Variants in ADAMTSL3 observed in about 807,000 individuals in gnomAD.
ADAMTSL3 encodes the protein ADAMTS-like protein 3.
ADAMTSL3 carries 128 observed loss-of-function variants against 201.7 expected under a neutral mutation model. The ratio of observed to expected loss-of-function variants is 0.63; its 90% CI spans 0.55 to 0.73. ADAMTSL3 has a LOEUF of 0.73. ADAMTSL3 is among the 30% of genes least tolerant of loss of function. The pLI is 0.00. For missense variants in ADAMTSL3, 1,990 were observed against 2,119.6 expected (o/e 0.94, Z 1.20); for synonymous variants, 738 against 748.4 (o/e 0.99, Z 0.23).
chr15:83,828,806 C>T (rs1274336158), intron 6 of ADAMTSL3, among the ~76,000 whole-genome samples: 1 of 152,090 alleles, frequency 6.6e-6, no homozygotes, highest in Non-Finnish European at 1.5e-5. Context: ...GTCTTTGTTT[C>T]TGTTTATATG....
Position 84,025,438 on chromosome 15 carries a change from T to C in ADAMTSL3, c.4656+2T>C. 6.2e-7 allele frequency: 1 copy of C among 1,613,244 alleles called. No individual in the cohort carries two copies. Among genetic ancestry groups the C allele is most frequent in the Non-Finnish European group, 8.5e-7 (1 of 1,179,628 alleles). On this transcript the variant is annotated splice_donor_variant, in intron 27 of 29. Transcript: ENST00000286744. LOFTEE classifies it high-confidence loss of function. ...GTTCAGTGGGAACCAGGGAACCGGGTAAAGCTAACACATCTAGTTTGTGGA... is the reference window on the plus strand; with the variant it reads ...GTTCAGTGGGAACCAGGGAACCGGGCAAAGCTAACACATCTAGTTTGTGGA...
chr15:83,696,611 G>A (rs571801334), intron 2 of ADAMTSL3, among the ~76,000 whole-genome samples: 14 of 152,228 alleles, frequency 9.2e-5, no homozygotes, highest in South Asian at 2.1e-4. Flanking sequence ...GATTTGAAGC[G>A]TCTGAGAGTG....
intron 3 of ADAMTSL3, among the ~76,000 whole-genome samples, chr15:83,755,463 G>A (rs2062705364): frequency 1.3e-5 from 2 of 150,756 alleles, no homozygotes; most frequent in South Asian, 4.2e-4. Context: ...TCTACTTTCT[G>A]TCTCTGTGAA....
At chr15:83,897,736 G>A (rs2065645727) in intron 13 of ADAMTSL3, 122 bp from the exon 14 acceptor site, 2 of 1,129,442 alleles carry the variant, frequency 1.8e-6, no homozygotes, top group South Asian at 4.5e-5. Context: ...CATAATATTT[G>A]TCTAAAAGTC....
chr15:83,893,468 C>A (rs1224030831), intron 13 of ADAMTSL3, among the ~76,000 whole-genome samples: 1 of 152,020 alleles, frequency 6.6e-6, no homozygotes, highest in Admixed American at 6.6e-5. Flanking sequence ...AAGAGATGGC[C>A]CATGTTACTA....
intron 4 of ADAMTSL3, among the ~76,000 whole-genome samples, chr15:83,795,250 A>G (rs1404506128): frequency 1.0e-5 from 1 of 98,820 alleles, no homozygotes; most frequent in Non-Finnish European, 1.9e-5. Flanking sequence ...CAACAACAAC[A>G]ACAACAGCAG....
In ADAMTSL3 at chr15:84,014,660, C is replaced by G. The variant is rs2068058750; in HGVS notation, c.4092C>G (p.Thr1364=). ...ATGTTTCCCTTGAAAATGAAGGAAC[C>G]TACGTCTGCATAGCCACCAATGCTC... The part of the protein sequence containing the change: ...LQNVSLENEG[T]YVCIATNALG... The change falls in exon 24 of 30, where the codon ACC becomes ACG. Residue 1364 remains threonine (T), a synonymous_variant. Transcript: ENST00000286744. The G allele has an allele frequency of 6.2e-7, 1 of 1,611,684 alleles. No individual in the cohort carries two copies. Among genetic ancestry groups the G allele is most frequent in the Non-Finnish European group, 8.5e-7 (1 of 1,179,392 alleles).
chr15:83,888,141 C>T lies in ADAMTSL3; in HGVS notation c.1073-1968C>T, dbSNP rs1288840995. On this transcript the variant is annotated intron_variant, in intron 10 of 29. Coordinates refer to ENST00000286744, the MANE Select transcript of ADAMTSL3 (RefSeq NM_207517.3). ...GTGCATGAGCACTTAGCAGTGAGATCGTCTCCAAAGACAGCAGTGGATGTA... is the reference window on the plus strand; with the variant it reads ...GTGCATGAGCACTTAGCAGTGAGATTGTCTCCAAAGACAGCAGTGGATGTA... Among the ~76,000 whole-genome samples the T allele has an allele frequency of 4.6e-5, 7 of 152,274 alleles. No homozygotes were observed. In the East Asian group the frequency reaches 7.7e-4, roughly 17 times the overall value.
chr15:83,844,506 C>A (rs904615987), intron 7 of ADAMTSL3, among the ~76,000 whole-genome samples: 10 of 152,208 alleles, frequency 6.6e-5, no homozygotes, highest in African/African-American at 2.4e-4. Context: ...TCATCTCTTT[C>A]TACCTCCACA....
rs567772267 is a variant in ADAMTSL3 at position 83,956,121 on chromosome 15, A to G, written c.2490+13039A>G. 1.2e-4 allele frequency among the ~76,000 whole-genome samples: 18 copies of G among 152,244 alleles called. No individual in the cohort carries two copies. In the South Asian group the frequency reaches 3.8e-3, roughly 32 times the overall value. ...TGGAATAGGCACTTCCCCTCTGGCT[A>G]GGGCTGGTCCAAATGCTGTCTCTGT... On this transcript the variant is annotated intron_variant, in intron 19 of 29. Transcript: ENST00000286744.
At chr15:83,973,292 G>C (rs527426636) in intron 20 of ADAMTSL3, among the ~76,000 whole-genome samples, 1 of 152,178 alleles carries the variant, frequency 6.6e-6, no homozygotes, top group South Asian at 2.1e-4. Flanking sequence ...CATGACCTCT[G>C]GTTCTTCCAT....
At chr15:83,899,172 C>T (rs1483716732) in intron 14 of ADAMTSL3, among the ~76,000 whole-genome samples, 1 of 152,188 alleles carries the variant, frequency 6.6e-6, no homozygotes, top group Admixed American at 6.5e-5. Context: ...CCCTCAACAA[C>T]TACAACAACA....
At chr15:83,972,164 C>T (rs1280353664) in intron 20 of ADAMTSL3, among the ~76,000 whole-genome samples, 1 of 152,100 alleles carries the variant, frequency 6.6e-6, no homozygotes, top group East Asian at 1.9e-4. Flanking sequence ...ATGAGACTTG[C>T]CTAAGGCTCC....
intron 3 of ADAMTSL3, among the ~76,000 whole-genome samples, chr15:83,731,775 G>A (rs2062277485): frequency 6.6e-6 from 1 of 151,944 alleles, no homozygotes; most frequent in African/African-American, 2.4e-5. Flanking sequence ...AGGAAATCTT[G>A]CCTTTTGCAA....
chr15:84,019,076 T>TACACACAC (rs71453219), intron 25 of ADAMTSL3, among the ~76,000 whole-genome samples: 30,236 of 138,990 alleles, frequency 0.22, 3,506 homozygotes, highest in African/African-American at 0.27. Context: ...CACACACACA[T>TACACACAC]ACACACACAC....
chr15:83,959,475 C>T (rs1048900233), intron 19 of ADAMTSL3, among the ~76,000 whole-genome samples: 3 of 152,094 alleles, frequency 2.0e-5, no homozygotes, highest in African/African-American at 7.2e-5. Context: ...AGAATCAAGT[C>T]ATTTATTAGG....
intron 8 of ADAMTSL3, among the ~76,000 whole-genome samples, chr15:83,868,405 C>G (rs567990542): frequency 1.3e-5 from 2 of 152,268 alleles, no homozygotes; most frequent in South Asian, 2.1e-4. Context: ...TTAAGAGGCA[C>G]CAGCACAAAG....
intron 19 of ADAMTSL3, among the ~76,000 whole-genome samples, chr15:83,965,605 G>T (rs2067067699): frequency 6.6e-6 from 1 of 152,150 alleles, no homozygotes; most frequent in African/African-American, 2.4e-5. Context: ...ACACCCTACT[G>T]TCAACATTAG....
At chr15:83,944,539 TATC>T (rs1202289898) in intron 19 of ADAMTSL3, among the ~76,000 whole-genome samples, 1 of 152,198 alleles carries the variant, frequency 6.6e-6, no homozygotes, top group Non-Finnish European at 1.5e-5. Context: ...GCTCCTCTCA[TATC>T]ATCCTACGAT....
Sources: gnomAD v4.1 joint callset for allele counts (sites outside exome capture counted in the v4.1 genomes callset) on GRCh38, gnomAD v4.1.1 for gene constraint, MANE v1.5 for transcripts, NCBI Gene and HGNC (gene_info 2026-07-23, HGNC 2026-07-21) for gene names.